Variants in RAB40B observed in about 807,000 individuals in gnomAD.
RAB40B encodes the protein RAB40B, member RAS oncogene family, also known as ras-related protein Rab-40B.
A neutral mutation model predicts 24.0 loss-of-function variants in RAB40B; 21 were observed. The ratio of observed to expected loss-of-function variants is 0.88; its 90% CI spans 0.62 to 1.26. The LOEUF is 1.26. Ranked by LOEUF, RAB40B falls within the 50% of genes most tolerant of loss-of-function variation. RAB40B has a pLI of 0.00. For synonymous variants in RAB40B, 167 were observed against 169.8 expected (o/e 0.98, Z 0.13); for missense variants, 348 against 390.5 (o/e 0.89, Z 0.92).
At chr17:82,678,558 C>A (rs1481028128) in intron 1 of RAB40B, among the ~76,000 whole-genome samples, 1 of 152,164 alleles carries the variant, frequency 6.6e-6, no homozygotes, top group Non-Finnish European at 1.5e-5. Context: ...GTGGCATAAC[C>A]GCCTTCACAA....
At position 82,689,531 on chromosome 17, in the gene RAB40B, C is replaced by A. The variant is rs183977598; in HGVS notation, c.142+8924G>T. ...TCATCAGGGCGGGGAGAGGACCCTG[C>A]AGGACACAGGCGAGGTGGGGCCGAA... On this transcript the variant is annotated intron_variant, in intron 1 of 5. Coordinates refer to ENST00000571995, the MANE Select transcript of RAB40B (RefSeq NM_006822.3). 3.9e-5 allele frequency among the ~76,000 whole-genome samples: 6 copies of A among 152,280 alleles called. No homozygotes were observed. In the East Asian group the frequency reaches 1.2e-3, roughly 29 times the overall value.
chr17:82,691,347 T>A (rs1429362727), intron 1 of RAB40B, among the ~76,000 whole-genome samples: 1 of 152,068 alleles, frequency 6.6e-6, no homozygotes, highest in East Asian at 1.9e-4. Flanking sequence ...CAAGAGGTGG[T>A]GGCATCTGGT....
At position 82,667,648 on chromosome 17, in the gene RAB40B, A is replaced by G. The variant is rs139742092; in HGVS notation, c.143-3092T>C. ...TCCTGCTAAACTCCACACTCTGTCCACAGAGACTGCCCATCACGCCACCAG... is the reference window on the plus strand; with the variant it reads ...TCCTGCTAAACTCCACACTCTGTCCGCAGAGACTGCCCATCACGCCACCAG... On this transcript the variant is annotated intron_variant, in intron 1 of 5. Transcript: ENST00000571995. This position sits in a 1 kb window ranked among gnomAD's most constrained non-coding sequence, Gnocchi z 4.3. Among the ~76,000 whole-genome samples the G allele has an allele frequency of 1.8e-3, 272 of 152,198 alleles. 1 individual carries two copies. The highest frequency in any genetic ancestry group is 6.1e-3 in the African/African-American group (253 of 41,534).
In RAB40B at chr17:82,659,538, A is replaced by G. The variant is rs774025878; in HGVS notation, c.342+42T>C. 3 of 1,602,146 alleles carry G rather than the reference A, an allele frequency of 1.9e-6. No individual in the cohort carries two copies. The Admixed American group carries it at 5.0e-5, about 27-fold the overall frequency. The stretch of plus-strand genomic sequence containing the variant: ...CTAATTCCTGGCCTGACGTCCTCCC[A>G]AGCCTACAGGGATCTTGGGCAGTGG... On this transcript the variant is annotated intron_variant, in intron 4 of 5. Transcript: ENST00000571995.
At chr17:82,677,041 C>A (rs1244803494) in intron 1 of RAB40B, among the ~76,000 whole-genome samples, 1 of 151,568 alleles carries the variant, frequency 6.6e-6, no homozygotes, top group African/African-American at 2.4e-5. Context: ...CTCCACCTCC[C>A]GGGTTCAAGC....
intron 4 of RAB40B, chr17:82,658,974 G>A (rs1163038589): frequency 4.3e-6 from 2 of 469,452 alleles, no homozygotes; most frequent in African/African-American, 1.9e-5. Flanking sequence ...CATGTTACGC[G>A]AAGGCAGAGG....
In RAB40B at chr17:82,658,062, G is replaced by A. The variant is rs1414750973; in HGVS notation, c.638C>T (p.Pro213Leu). 2.5e-6 allele frequency: 4 copies of A among 1,614,182 alleles called. No individual in the cohort carries two copies. Among genetic ancestry groups the A allele is most frequent in the Non-Finnish European group, 3.4e-6 (4 of 1,180,030 alleles). ...GTGGCTTCTTAAGGCAATGGGGAGC[G>A]GGAGCTTGTCCACCAGGTGCACCGG... ...CTPVHLVDKLPLPIALRSHLK... is the reference protein window; with the variant it reads ...CTPVHLVDKLLLPIALRSHLK... The change falls in exon 6 of 6, where the codon CCG becomes CTG. Residue 213 changes from proline (P) to leucine (L), a missense_variant. Coordinates refer to ENST00000571995, the MANE Select transcript of RAB40B (RefSeq NM_006822.3).
intron 4 of RAB40B, 169 bp from the exon 5 acceptor site, chr17:82,658,882 G>C (rs561048057): frequency 1.6e-6 from 1 of 620,038 alleles, no homozygotes. Context: ...AAATAGTTAC[G>C]GTGCGGCCGC....
chr17:82,678,615 G>C (rs1386770426), intron 1 of RAB40B, among the ~76,000 whole-genome samples: 1 of 152,180 alleles, frequency 6.6e-6, no homozygotes, highest in Non-Finnish European at 1.5e-5. Context: ...ACAATGTACA[G>C]ACGTATTCAT....
chr17:82,687,610 C>T lies in RAB40B; in HGVS notation c.142+10845G>A, dbSNP rs933657744. Among the ~76,000 whole-genome samples, 5 of 152,170 alleles carry T rather than the reference C, an allele frequency of 3.3e-5. No homozygotes were observed. In the South Asian group the frequency reaches 6.2e-4, roughly 19 times the overall value. On this transcript the variant is annotated intron_variant, in intron 1 of 5. Transcript: ENST00000571995. Reference sequence around the variant, plus strand: ...ACCCCAAGATCTGTTACAATGGCCTCGTTGTTCTCCACTGACAGCTTTCTG... The same window carrying T: ...ACCCCAAGATCTGTTACAATGGCCTTGTTGTTCTCCACTGACAGCTTTCTG...
chr17:82,668,219 G>A (rs2046282112), intron 1 of RAB40B: 1 of 154,552 alleles, frequency 6.5e-6, no homozygotes, highest in Admixed American at 6.5e-5. Context: ...TCTGAGTCTG[G>A]GGTTTTTGTG....
Position 82,657,732 on chromosome 17 carries a change from G to T in RAB40B, c.*131C>A. On this transcript the variant is annotated 3_prime_UTR_variant, in exon 6 of 6. Coordinates refer to ENST00000571995, the MANE Select transcript of RAB40B (RefSeq NM_006822.3). The stretch of plus-strand genomic sequence containing the variant: ...CGGGGTAGTGTGTTTCCATCACACG[G>T]AAGGCGTCGCACACATTCGCAAGCA... The T allele has an allele frequency of 9.1e-7, 1 of 1,096,496 alleles. No homozygotes were observed. Among genetic ancestry groups the T allele is most frequent in the Non-Finnish European group, 1.4e-6 (1 of 712,692 alleles). 67.9% of individuals were successfully genotyped at this position (1,096,496 alleles called of 1,614,324 possible). A position where few individuals can be genotyped will look rare whatever the true frequency, so the allele number is the denominator to read the frequency against.
At position 82,675,370 on chromosome 17, in the gene RAB40B, G is replaced by C. The variant is rs1229483767; in HGVS notation, c.143-10814C>G. On this transcript the variant is annotated intron_variant, in intron 1 of 5. Transcript: ENST00000571995. The surrounding 1 kb of genome is among the most constrained non-coding windows in gnomAD (Gnocchi z 4.5). ...CAGCTTTGAAAGGACAATGACAGCC[G>C]CCTGTCTGACGTGGTCTCCACCAAG... Among the ~76,000 whole-genome samples the C allele has an allele frequency of 6.6e-6, 1 of 152,110 alleles. No individual in the cohort carries two copies. The highest frequency in any genetic ancestry group is 1.5e-5 in the Non-Finnish European group (1 of 68,032).
chr17:82,674,370 G>A (rs1408001616), intron 1 of RAB40B, among the ~76,000 whole-genome samples: 10 of 149,778 alleles, frequency 6.7e-5, no homozygotes, highest in South Asian at 6.4e-4. Context: ...GGTGGTTCAC[G>A]CCTGTAACCC....
At chr17:82,674,936 G>C (rs1030340910) in intron 1 of RAB40B, among the ~76,000 whole-genome samples, 2 of 152,112 alleles carry the variant, frequency 1.3e-5, no homozygotes, top group South Asian at 4.1e-4. Flanking sequence ...ATCCAGCCAC[G>C]CCTGAAACTA....
At chr17:82,682,711 C>T (rs570818034) in intron 1 of RAB40B, among the ~76,000 whole-genome samples, 2 of 152,188 alleles carry the variant, frequency 1.3e-5, no homozygotes, top group Non-Finnish European at 2.9e-5. Context: ...AATAGGCCCA[C>T]ACAAAAATGG....
At position 82,660,687 on chromosome 17, in the gene RAB40B, TACACACAC is replaced by T. The variant is rs66713002; in HGVS notation, c.264+292_264+299del. 8.7e-4 allele frequency among the ~76,000 whole-genome samples: 129 copies of T among 147,980 alleles called. 1 individual carries two copies. The South Asian group carries it at 0.016, about 18-fold the overall frequency. The stretch of plus-strand genomic sequence containing the variant: ...CAGTGCACGTACCTGCACACACATG[TACACACAC>T]ACACACACACAGGCACTCATGCACA... On this transcript the variant is annotated intron_variant, in intron 3 of 5. Coordinates refer to ENST00000571995, the MANE Select transcript of RAB40B (RefSeq NM_006822.3).
intron 1 of RAB40B, among the ~76,000 whole-genome samples, chr17:82,674,208 C>T (rs1394123994): frequency 4.0e-5 from 6 of 151,722 alleles, no homozygotes; most frequent in Non-Finnish European, 7.4e-5. Context: ...GGTGTGGTGG[C>T]GGGTGCCTGT....
rs61758747 is a variant in RAB40B, at chr17:82,658,061, C to T, written c.639G>A (p.Pro213=). The change falls in exon 6 of 6, where the codon CCG becomes CCA. Residue 213 remains proline, a synonymous_variant. Coordinates refer to ENST00000571995, the MANE Select transcript of RAB40B (RefSeq NM_006822.3). ...GGTGGCTTCTTAAGGCAATGGGGAG[C>T]GGGAGCTTGTCCACCAGGTGCACCG... ...CTPVHLVDKL[P]LPIALRSHLK... is the part of the protein sequence containing the mutation. The T allele has an allele frequency of 2.9e-3, 4,672 of 1,614,150 alleles. 11 individuals are homozygous for T. Among genetic ancestry groups the T allele is most frequent in the Non-Finnish European group, 3.6e-3 (4,225 of 1,180,036 alleles).
Sources: gnomAD v4.1 joint callset for allele counts (sites outside exome capture counted in the v4.1 genomes callset) on GRCh38, gnomAD v4.1.1 for gene constraint, Gnocchi (gnomAD v3.1) non-coding constraint, MANE v1.5 for transcripts, NCBI Gene and HGNC (gene_info 2026-07-23, HGNC 2026-07-21) for gene names.